Variants in ARHGAP8 observed in about 807,000 individuals in gnomAD.
ARHGAP8 encodes the protein rho GTPase-activating protein 8.
In ARHGAP8, 62 loss-of-function variants were observed where a neutral mutation model predicts 46.1. The observed-to-expected ratio is 1.34, with a 90% CI of 1.10 to 1.66. The LOEUF (loss-of-function observed/expected upper bound fraction) is 1.66. Among genes scored for constraint, ARHGAP8 ranks in the 40% most tolerant of loss-of-function variants. The probability of loss-of-function intolerance (pLI) is 0.00; values close to 1 mark genes in which losing one functional copy is unlikely to be tolerated. For synonymous variants in ARHGAP8, 375 were observed against 243.1 expected (o/e 1.54, Z -5.05); for missense variants, 923 against 568.4 (o/e 1.62, Z -6.34).
At chr22:44,837,814 G>A (rs111356135) in intron 7 of ARHGAP8, among the ~76,000 whole-genome samples, 2,851 of 152,192 alleles carry the variant, frequency 0.019, 47 homozygotes, top group Middle Eastern at 0.048. Context: ...AGTAGATGTG[G>A]GTGCTCCTCA....
intron 2 of ARHGAP8, among the ~76,000 whole-genome samples, chr22:44,800,372 C>T (rs370324141): frequency 5.3e-5 from 8 of 150,622 alleles, no homozygotes; most frequent in African/African-American, 2.0e-4. Flanking sequence ...TCCCAAAGTA[C>T]TGGGATTACA....
chr22:44,835,477 C>G (rs183662852), intron 7 of ARHGAP8, among the ~76,000 whole-genome samples: 3 of 151,906 alleles, frequency 2.0e-5, no homozygotes, highest in African/African-American at 7.3e-5. Context: ...AAAAATTAGC[C>G]GGGCATGGTT....
At chr22:44,767,162 T>C (rs756914606) in intron 1 of ARHGAP8, among the ~76,000 whole-genome samples, 2 of 152,174 alleles carry the variant, frequency 1.3e-5, no homozygotes, top group Non-Finnish European at 2.9e-5. Flanking sequence ...AGTGGGGAAG[T>C]TGGATGTATC....
intron 1 of ARHGAP8, among the ~76,000 whole-genome samples, chr22:44,756,663 C>A (rs73173672): frequency 0.22 from 33,042 of 148,834 alleles, 4,101 homozygotes; most frequent in South Asian, 0.48. Flanking sequence ...CCTCCCTATT[C>A]CCCATATCAT....
At chr22:44,831,513 T>G (rs1473169827) in intron 7 of ARHGAP8, among the ~76,000 whole-genome samples, 2 of 142,856 alleles carry the variant, frequency 1.4e-5, no homozygotes, top group Non-Finnish European at 3.1e-5. Context: ...CTTACCAACA[T>G]GGTGAAACAC....
At chr22:44,792,276 C>T (rs540184839) in intron 2 of ARHGAP8, among the ~76,000 whole-genome samples, 47 of 152,274 alleles carry the variant, frequency 3.1e-4, no homozygotes, top group African/African-American at 1.0e-3. Flanking sequence ...TCCCAAAGTG[C>T]TGGGATTACA....
chr22:44,859,685 C>G (rs765732953), intron 10 of ARHGAP8, 46 bp from the exon 11 acceptor site: 2 of 1,601,040 alleles, frequency 1.2e-6, no homozygotes, highest in South Asian at 1.1e-5. Flanking sequence ...TGCAGCGCTG[C>G]CCCTGGCCCC....
chr22:44,787,649 A>G (rs5766012), intron 2 of ARHGAP8, among the ~76,000 whole-genome samples: 65,128 of 151,944 alleles, frequency 0.43, 14,306 homozygotes, highest in East Asian at 0.55. Flanking sequence ...CCGGCCTTGC[A>G]TTGCTTTAAT....
chr22:44,779,824 C>T (rs895737468), intron 1 of ARHGAP8, among the ~76,000 whole-genome samples: 11 of 152,132 alleles, frequency 7.2e-5, no homozygotes, highest in Non-Finnish European at 1.5e-4. Context: ...CTGCCTCGGC[C>T]TCCAAAGTGC....
chr22:44,853,624 G>C (rs1294713649), intron 10 of ARHGAP8, among the ~76,000 whole-genome samples: 1 of 152,214 alleles, frequency 6.6e-6, no homozygotes, highest in Non-Finnish European at 1.5e-5. Context: ...CAGCAAGAAT[G>C]GGAATTGACC....
chr22:44,858,038 C>G (rs1265391955), intron 10 of ARHGAP8, among the ~76,000 whole-genome samples: 1 of 152,206 alleles, frequency 6.6e-6, no homozygotes, highest in Non-Finnish European at 1.5e-5. Context: ...ATGGCAGCCA[C>G]CTGGCTCGGT....
chr22:44,848,551 A>G lies in ARHGAP8; in HGVS notation c.749-381A>G, dbSNP rs186126203. ...CCCGTCATCAGTTGTGCATTACACA[A>G]TCATGGAGCATCAGGTCTGCACGGG... On this transcript the variant is annotated intron_variant, in intron 9 of 11. Coordinates refer to ENST00000356099, the MANE Select transcript of ARHGAP8 (RefSeq NM_181335.3). 2.0e-5 allele frequency among the ~76,000 whole-genome samples: 3 copies of G among 152,342 alleles called. No homozygotes were observed. In the East Asian group the frequency reaches 5.8e-4, roughly 29 times the overall value.
rs546261454 is a variant in ARHGAP8, at chr22:44,799,992, G to A, written c.80-2085G>A. On this transcript the variant is annotated intron_variant, in intron 2 of 11. Transcript: ENST00000356099. ...GGCCACTTGTGGGGTGGGGCAAGGT[G>A]GGGTTGGGGCTGGGAGAGGAGAGGC... Among the ~76,000 whole-genome samples, 7 of 150,678 alleles carry A rather than the reference G, an allele frequency of 4.6e-5. No individual in the cohort carries two copies. In the East Asian group the frequency reaches 1.2e-3, roughly 25 times the overall value.
At chr22:44,858,734 T>TGGGAGGG (rs1555922744) in intron 10 of ARHGAP8, among the ~76,000 whole-genome samples, 1 of 119,160 alleles carries the variant, frequency 8.4e-6, no homozygotes, top group African/African-American at 3.1e-5. Flanking sequence ...TAAGGGTAAC[T>TGGGAGGG]GGGGGGTCTC....
chr22:44,760,597 C>T (rs192521334), intron 1 of ARHGAP8, among the ~76,000 whole-genome samples: 4 of 152,322 alleles, frequency 2.6e-5, no homozygotes, highest in Non-Finnish European at 4.4e-5. Flanking sequence ...ACTTGCCACT[C>T]AAATTAAGTT....
At position 44,791,110 on chromosome 22, in the gene ARHGAP8, T is replaced by A. The variant is rs567468828; in HGVS notation, c.79+4504T>A. Among the ~76,000 whole-genome samples the A allele has an allele frequency of 5.3e-5, 8 of 152,172 alleles. No homozygotes were observed. The East Asian group carries it at 1.6e-3, about 30-fold the overall frequency. Reference sequence around the variant, plus strand: ...CCCGGGGACTGGGAACCTTCCAGATTATTCATCCTTCTCCCAGCAAAAAGA... The same window carrying A: ...CCCGGGGACTGGGAACCTTCCAGATAATTCATCCTTCTCCCAGCAAAAAGA... On this transcript the variant is annotated intron_variant, in intron 2 of 11. Coordinates refer to ENST00000356099, the MANE Select transcript of ARHGAP8 (RefSeq NM_181335.3).
chr22:44,852,286 G>C (rs2070116025), intron 10 of ARHGAP8, among the ~76,000 whole-genome samples: 2 of 151,722 alleles, frequency 1.3e-5, no homozygotes. Flanking sequence ...TACTAGGTTT[G>C]GTGAAGAGTG....
chr22:44,851,505 A>G (rs998867371), intron 10 of ARHGAP8, among the ~76,000 whole-genome samples: 2 of 152,068 alleles, frequency 1.3e-5, no homozygotes, highest in African/African-American at 2.4e-5. Flanking sequence ...TCCACCTGAC[A>G]TGGGAACCTT....
chr22:44,801,471 A>G lies in ARHGAP8; in HGVS notation c.80-606A>G, dbSNP rs1319811501. Among the ~76,000 whole-genome samples, 277 of 30,820 alleles carry G rather than the reference A, an allele frequency of 9.0e-3. 3 individuals are homozygous for G. The highest frequency in any genetic ancestry group is 0.028 in the African/African-American group (222 of 7,950). The allele number at this position is 30,820 out of a possible 152,430, so 20.2% of individuals were successfully genotyped here. A position where few individuals can be genotyped will look rare whatever the true frequency, so the allele number is the denominator to read the frequency against. ...CCCGCAGCTGTCCGTGTGTGGGGGC[A>G]CCTCTCCCCGCAGCTGTCTATGTGT... On this transcript the variant is annotated intron_variant, in intron 2 of 11. Transcript: ENST00000356099.
Sources: gnomAD v4.1 joint callset for allele counts (sites outside exome capture counted in the v4.1 genomes callset) on GRCh38, gnomAD v4.1.1 for gene constraint, MANE v1.5 for transcripts, NCBI Gene and HGNC (gene_info 2026-07-23, HGNC 2026-07-21) for gene names.